Variants in COL22A1 observed in about 807,000 individuals in gnomAD.
COL22A1 encodes collagen alpha-1(XXII) chain.
A neutral mutation model predicts 248.9 loss-of-function variants in COL22A1; 221 were observed. That is an observed-to-expected ratio of 0.89 (90% CI 0.80 to 0.99). The LOEUF (loss-of-function observed/expected upper bound fraction) is 0.99, where lower values mean the gene tolerates loss of function less well. Among genes scored for constraint, COL22A1 ranks in the 50% least tolerant of loss-of-function variants. The pLI is 0.00. For missense variants in COL22A1, 2,240 were observed against 2,179.0 expected, an observed-to-expected ratio of 1.03 and a Z score of -0.56; for synonymous variants, 891 against 793.4, an observed-to-expected ratio of 1.12 and a Z score of -2.07.
At chr8:138,826,928 C>G in intron 5 of COL22A1, 147 bp from the exon 6 acceptor site, 1 of 970,114 alleles carries the variant, frequency 1.0e-6, no homozygotes, top group Non-Finnish European at 1.5e-6. Context: ...CCTGCCTTCA[C>G]TGCCTTCTCC....
chr8:138,636,787 T>C lies in COL22A1; in HGVS notation c.3510A>G (p.Gln1170=), dbSNP rs1016250864. ...PPGIAGPQGS[Q]GERGADGEVG... is the part of the protein sequence containing the mutation. ...CCTCACCATCTGCACCACGTTCTCC[T>C]TGACTTCCCTTGAAAGGAAAAAAAA... The change falls in exon 48 of 65, where the codon CAA becomes CAG. Residue 1170 remains glutamine, a synonymous_variant. Transcript: ENST00000303045. 8 of 1,612,938 alleles carry C rather than the reference T, an allele frequency of 5.0e-6. No homozygotes were observed. The African/African-American group carries it at 5.3e-5, about 11-fold the overall frequency.
intron 63 of COL22A1, 51 bp downstream of exon 63, chr8:138,593,966 C>T (rs774064214): frequency 1.4e-6 from 2 of 1,402,488 alleles, no homozygotes; most frequent in East Asian, 2.7e-5. Flanking sequence ...CCTGTTCCTT[C>T]TCCGCCCTCC....
At chr8:138,766,551 GGA>G (rs1324685525) in intron 16 of COL22A1, among the ~76,000 whole-genome samples, 2 of 151,938 alleles carry the variant, frequency 1.3e-5, no homozygotes, top group Non-Finnish European at 2.9e-5. Flanking sequence ...TGTGAGAGAC[GGA>G]GAGAGAGACA....
At chr8:138,703,173 G>C (rs771062616) in intron 31 of COL22A1, 133 bp downstream of exon 31, 3 of 760,130 alleles carry the variant, frequency 3.9e-6, no homozygotes, top group Non-Finnish European at 6.9e-6. Flanking sequence ...GTAGGACCTA[G>C]GAATAGGCCT....
chr8:138,784,553 G>A (rs1574371), intron 12 of COL22A1, among the ~76,000 whole-genome samples: 4,657 of 152,230 alleles, frequency 0.031, 172 homozygotes, highest in African/African-American at 0.086. Context: ...AACCAGTACA[G>A]GAGGAGGTGA....
At position 138,821,395 on chromosome 8, in the gene COL22A1, T is replaced by C. The variant is rs34798249; in HGVS notation, c.986A>G (p.Asp329Gly). 66 of 1,612,924 alleles carry C rather than the reference T, an allele frequency of 4.1e-5. No individual in the cohort carries two copies. The African/African-American group carries it at 7.2e-4, about 18-fold the overall frequency. ...GTACTCGACTGCCTTGTTTTCACCA[T>C]CCAGCCGGATGGAGACCTGGGGAGG... ...YSIPQVSIRL[D>G]GENKAVEYNA... The change falls in exon 7 of 65, where the codon GAT becomes GGT. Residue 329 changes from aspartate (D) to glycine (G), a missense_variant. Physicochemically the swap from Asp to Gly is moderately conservative, Grantham distance 94. Transcript: ENST00000303045.
At chr8:138,697,642 C>T (rs1175197923) in intron 32 of COL22A1, among the ~76,000 whole-genome samples, 2 of 152,138 alleles carry the variant, frequency 1.3e-5, no homozygotes, top group African/African-American at 4.8e-5. Context: ...CAAAATGAGT[C>T]GGGCTTCTCC....
At chr8:138,710,394 T>C (rs1429180882) in intron 30 of COL22A1, among the ~76,000 whole-genome samples, 2 of 152,196 alleles carry the variant, frequency 1.3e-5, no homozygotes, top group African/African-American at 4.8e-5. Context: ...AATATGGTTA[T>C]GAAATAGAAA....
intron 44 of COL22A1, among the ~76,000 whole-genome samples, chr8:138,657,652 T>C (rs1306410729): frequency 6.6e-6 from 1 of 152,228 alleles, no homozygotes; most frequent in Non-Finnish European, 1.5e-5. Flanking sequence ...ACTCAGGATA[T>C]GGCAGACTGC....
chr8:138,684,602 A>G, intron 38 of COL22A1, 133 bp from the exon 39 acceptor site: 4 of 701,412 alleles, frequency 5.7e-6, no homozygotes, highest in Non-Finnish European at 7.7e-6. Flanking sequence ...CCTGACTTGC[A>G]CAAAAGAAAC....
intron 15 of COL22A1, among the ~76,000 whole-genome samples, chr8:138,777,475 C>A (rs1188827357): frequency 6.6e-6 from 1 of 152,142 alleles, no homozygotes. Context: ...ATGTTTTAAG[C>A]CCTGCATGCA....
chr8:138,795,441 T>A (rs1406186215), intron 12 of COL22A1, among the ~76,000 whole-genome samples: 1 of 151,998 alleles, frequency 6.6e-6, no homozygotes, highest in Non-Finnish European at 1.5e-5. Context: ...AACATCCTCA[T>A]AACTTTTTCA....
chr8:138,788,227 G>T (rs1490586090), intron 12 of COL22A1, among the ~76,000 whole-genome samples: 4 of 152,148 alleles, frequency 2.6e-5, no homozygotes, highest in Non-Finnish European at 4.4e-5. Context: ...CAGCCTGTTG[G>T]CTTAACAAGT....
intron 45 of COL22A1, 141 bp from the exon 46 acceptor site, chr8:138,649,919 G>A (rs906163394): frequency 3.5e-6 from 2 of 567,392 alleles, no homozygotes; most frequent in South Asian, 4.9e-5. Flanking sequence ...AAAGCAAACA[G>A]GTGGACTGAG....
chr8:138,802,257 C>T (rs980738301), intron 11 of COL22A1, among the ~76,000 whole-genome samples: 2 of 152,108 alleles, frequency 1.3e-5, no homozygotes, highest in African/African-American at 4.8e-5. Context: ...CAATTCTTTC[C>T]TGACCCATCA....
intron 21 of COL22A1, among the ~76,000 whole-genome samples, chr8:138,754,802 TGTAA>T (rs575953575): frequency 1.7e-3 from 256 of 152,350 alleles, no homozygotes; most frequent in Non-Finnish European, 2.9e-3. Context: ...TCAGTCGGCA[TGTAA>T]GTGTCCAATG....
intron 3 of COL22A1, among the ~76,000 whole-genome samples, chr8:138,852,179 C>T (rs949760150): frequency 2.0e-5 from 3 of 152,016 alleles, no homozygotes; most frequent in African/African-American, 7.2e-5. Context: ...CAGGTTGGGG[C>T]TGATGGACCC....
chr8:138,806,639 G>A (rs990094085), intron 10 of COL22A1, among the ~76,000 whole-genome samples: 2 of 152,098 alleles, frequency 1.3e-5, no homozygotes, highest in African/African-American at 2.4e-5. Context: ...TGCTTGTCAC[G>A]CAGGGTTGAT....
intron 3 of COL22A1, among the ~76,000 whole-genome samples, chr8:138,870,323 G>T (rs1279312422): frequency 6.6e-6 from 1 of 151,658 alleles, no homozygotes; most frequent in East Asian, 1.9e-4. Flanking sequence ...TGTGTATATA[G>T]AATGTGTGTT....
Sources: allele counts gnomAD v4.1 joint callset (sites outside exome capture counted in the v4.1 genomes callset), GRCh38; gene constraint gnomAD v4.1.1; transcripts MANE v1.5; gene names NCBI Gene and HGNC (gene_info 2026-07-23, HGNC 2026-07-21).